The following CYP20A1 variants were observed in gnomAD, a reference collection of about 807,000 sequenced individuals.
CYP20A1 encodes the protein cytochrome P450 family 20 subfamily A member 1.
A neutral mutation model predicts 61.4 loss-of-function variants in CYP20A1; 61 were observed. That is an observed-to-expected ratio of 0.99 (90% CI 0.81 to 1.23). The LOEUF is 1.23. CYP20A1 is among the 50% of genes most tolerant of loss of function. The pLI, the probability that CYP20A1 is intolerant of heterozygous loss-of-function variation, is 0.00. For synonymous variants in CYP20A1, 193 were observed against 188.2 expected (o/e 1.03, Z -0.21); for missense variants, 530 against 542.4 (o/e 0.98, Z 0.23).
At position 203,246,819 on chromosome 2, in the gene CYP20A1, G is replaced by A. The variant is rs2066474316; in HGVS notation, c.187G>A (p.Glu63Lys). The change falls in exon 3 of 13, where the codon GAG becomes AAG. Residue 63 changes from glutamate (E) to lysine (K), a missense_variant. Coordinates refer to ENST00000356079, the MANE Select transcript of CYP20A1 (RefSeq NM_177538.3). ...GCATGAGTTCCTGGTTAATTTGCAT[G>A]AGAGATATGGGCCTGTGGTCTCCTT... ...SLHEFLVNLH[E>K]RYGPVVSFWF... 3 of 1,614,142 alleles carry A rather than the reference G, an allele frequency of 1.9e-6. No individual in the cohort carries two copies. The highest frequency in any genetic ancestry group is 4.5e-5 in the East Asian group (2 of 44,886).
Position 203,239,018 on chromosome 2 carries a change from G to C in CYP20A1, c.-45G>C. 1 of 1,573,064 alleles carries C rather than the reference G, an allele frequency of 6.4e-7. No homozygotes were observed. Among genetic ancestry groups the C allele is most frequent in the Non-Finnish European group, 8.7e-7 (1 of 1,143,930 alleles). The stretch of plus-strand genomic sequence containing the variant: ...AATTGGGCCAGGCTGAGGCGCTGCT[G>C]CTGGAGCGGCCGATCCGAGACGTGG... On this transcript the variant is annotated 5_prime_UTR_variant, in exon 1 of 13. Coordinates refer to ENST00000356079, the MANE Select transcript of CYP20A1 (RefSeq NM_177538.3).
chr2:203,280,433 A>C (rs1449055976), intron 8 of CYP20A1, among the ~76,000 whole-genome samples: 4 of 152,052 alleles, frequency 2.6e-5, no homozygotes, highest in Non-Finnish European at 5.9e-5. Context: ...AGGCATGGCA[A>C]CTCACACCTG....
chr2:203,285,560 C>A, intron 8 of CYP20A1, 52 bp from the exon 9 acceptor site: 2 of 1,460,658 alleles, frequency 1.4e-6, no homozygotes, highest in Non-Finnish European at 9.0e-7. Context: ...TATTCTATAC[C>A]CAAGCCATGA....
chr2:203,280,174 G>A, intron 8 of CYP20A1, 61 bp downstream of exon 8: 3 of 1,328,480 alleles, frequency 2.3e-6, no homozygotes, highest in Non-Finnish European at 2.1e-6. Context: ...GAGCACAGTG[G>A]CTCACACCTG....
chr2:203,255,603 C>T (rs2066864369), intron 4 of CYP20A1, among the ~76,000 whole-genome samples: 1 of 152,182 alleles, frequency 6.6e-6, no homozygotes, highest in Non-Finnish European at 1.5e-5. Context: ...CATGAACAGA[C>T]CCTTTGGTAT....
At chr2:203,292,526 A>G (rs1222808696) in intron 11 of CYP20A1, among the ~76,000 whole-genome samples, 200 bp downstream of exon 11, 1 of 152,132 alleles carries the variant, frequency 6.6e-6, no homozygotes, top group African/African-American at 2.4e-5. Flanking sequence ...TAGTGCAATC[A>G]CTTCTCACTG....
chr2:203,239,977 T>TC (rs1300611924), intron 1 of CYP20A1, among the ~76,000 whole-genome samples: 1 of 152,088 alleles, frequency 6.6e-6, no homozygotes. Flanking sequence ...GCGCCTGTAA[T>TC]CCCAGCTACT....
rs1322485340 is a variant in CYP20A1 at position 203,296,961 on chromosome 2, A to T, written c.*53A>T. On this transcript the variant is annotated 3_prime_UTR_variant, in exon 13 of 13. Transcript: ENST00000356079. ...AATTGATTGAGGAAAACAACCATTT[A>T]AAAAAAATCTATGTTGAATCCTTTT... 10 of 1,071,242 alleles carry T rather than the reference A, an allele frequency of 9.3e-6. No homozygotes were observed. Among genetic ancestry groups the T allele is most frequent in the Admixed American group, 2.8e-5 (1 of 36,308 alleles). 66.4% of individuals were successfully genotyped at this position (1,071,242 alleles called of 1,614,324 possible).
chr2:203,269,115 T>A (rs191072750), intron 5 of CYP20A1, among the ~76,000 whole-genome samples: 183 of 152,278 alleles, frequency 1.2e-3, no homozygotes, highest in African/African-American at 4.3e-3. Flanking sequence ...CTCTGTACTT[T>A]TGACAACATT....
At chr2:203,282,644 G>A (rs2068091539) in intron 8 of CYP20A1, among the ~76,000 whole-genome samples, 1 of 151,976 alleles carries the variant, frequency 6.6e-6, no homozygotes, top group South Asian at 2.1e-4. Flanking sequence ...CAGTTTTTAG[G>A]GAGATTTTAG....
rs536501177 is a variant in CYP20A1, at chr2:203,246,827, T to C, written c.195T>C (p.Tyr65=). The C allele has an allele frequency of 1.3e-5, 21 of 1,614,186 alleles. No homozygotes were observed. The South Asian group carries it at 1.4e-4, about 11-fold the overall frequency. The change falls in exon 3 of 13, where the codon TAT becomes TAC. Residue 65 remains tyrosine (Y), a synonymous_variant. Coordinates refer to ENST00000356079, the MANE Select transcript of CYP20A1 (RefSeq NM_177538.3). ...HEFLVNLHER[Y]GPVVSFWFGR... Reference sequence around the variant, plus strand: ...TCCTGGTTAATTTGCATGAGAGATATGGGCCTGTGGTCTCCTTCTGGTTTG... The same window carrying C: ...TCCTGGTTAATTTGCATGAGAGATACGGGCCTGTGGTCTCCTTCTGGTTTG...
intron 3 of CYP20A1, among the ~76,000 whole-genome samples, chr2:203,248,797 A>C (rs2066554543): frequency 1.3e-5 from 2 of 152,060 alleles, no homozygotes; most frequent in Admixed American, 1.3e-4. Context: ...ATAACCTACA[A>C]CTCCTGGGCT....
In CYP20A1 at chr2:203,278,686, C is replaced by A; in HGVS notation, c.793C>A (p.Gln265Lys). ...SLVQGNLNDQ[Q>K]ILEDSMIFSL... ...AGTACAAGGGAACCTTAATGACCAA[C>A]AGGTGATATAATTGTTAAATGTTTA... is the stretch of plus-strand genomic sequence containing the variant. Residue 265 changes from glutamine (Q) to lysine (K), a missense_variant and splice_region_variant, in exon 7 of 13, where the codon CAG becomes AAG. Gln to Lys is a moderately conservative substitution (Grantham distance 53). Transcript: ENST00000356079. The A allele has an allele frequency of 6.8e-7, 1 of 1,479,278 alleles. No individual in the cohort carries two copies. 91.6% of individuals were successfully genotyped at this position (1,479,278 alleles called of 1,614,324 possible).
intron 1 of CYP20A1, among the ~76,000 whole-genome samples, chr2:203,239,821 T>A (rs1174845858): frequency 6.6e-6 from 1 of 152,180 alleles, no homozygotes; most frequent in Non-Finnish European, 1.5e-5. Context: ...TGTTGATGAC[T>A]GAGGACCGTC....
At chr2:203,293,528 G>A (rs2068636829) in intron 11 of CYP20A1, among the ~76,000 whole-genome samples, 1 of 143,552 alleles carries the variant, frequency 7.0e-6, no homozygotes, top group Non-Finnish European at 1.5e-5. Flanking sequence ...TTTTTCCCCA[G>A]TGCATTTTTC....
chr2:203,274,331 G>A (rs1015990935), intron 6 of CYP20A1, among the ~76,000 whole-genome samples: 2 of 151,904 alleles, frequency 1.3e-5, no homozygotes, highest in East Asian at 1.9e-4. Flanking sequence ...GATTACAAGC[G>A]CCTGCCACCA....
rs1442677442 is a variant in CYP20A1 at position 203,272,733 on chromosome 2, A to G, written c.664A>G (p.Lys222Glu). ...GSLDKNMTRK[K>E]QYEDALMQLE... ...ACTTGATAAAAACATGACTCGGAAA[A>G]AACAATATGAAGATGGTAAGTTTGG... Residue 222 changes from lysine (K) to glutamate (E), a missense_variant, in exon 6 of 13, where the codon AAA (lysine) becomes GAA (glutamate). Coordinates refer to ENST00000356079, the MANE Select transcript of CYP20A1 (RefSeq NM_177538.3). 1.2e-6 allele frequency: 2 copies of G among 1,600,936 alleles called. 1 individual carries two copies. The highest frequency in any genetic ancestry group is 2.3e-5 in the South Asian group (2 of 87,670).
intron 5 of CYP20A1, among the ~76,000 whole-genome samples, chr2:203,269,550 A>C (rs1284310832): frequency 6.7e-6 from 1 of 148,592 alleles, no homozygotes; most frequent in Non-Finnish European, 1.5e-5. Context: ...GCTAGAATGC[A>C]GTGGTGCAAT....
chr2:203,255,700 C>T (rs1361845639), intron 4 of CYP20A1, among the ~76,000 whole-genome samples: 1 of 152,168 alleles, frequency 6.6e-6, no homozygotes, highest in Non-Finnish European at 1.5e-5. Context: ...ATGATTTAGC[C>T]TGGCTACTTT....
Sources: allele counts gnomAD v4.1 joint callset (sites outside exome capture counted in the v4.1 genomes callset), GRCh38; gene constraint gnomAD v4.1.1; transcripts MANE v1.5; gene names NCBI Gene and HGNC (gene_info 2026-07-23, HGNC 2026-07-21).